RPA1: variants seen among roughly 807,000 people sequenced by gnomAD.
The protein encoded by RPA1 is replication protein A 70 kDa DNA-binding subunit.
Under a neutral mutation model 83.0 loss-of-function variants are expected in RPA1, and 49 were observed. That is an observed-to-expected ratio of 0.59 (90% CI 0.47 to 0.75). RPA1 has a LOEUF of 0.75. Among genes scored for constraint, RPA1 ranks in the 30% least tolerant of loss-of-function variants. The pLI, the probability that RPA1 is intolerant of heterozygous loss-of-function variation, is 0.00. For synonymous variants in RPA1, 279 were observed against 281.8 expected (o/e 0.99, Z 0.10); for missense variants, 693 against 776.1 (o/e 0.89, Z 1.27).
intron 1 of RPA1, among the ~76,000 whole-genome samples, chr17:1,832,082 C>A (rs916110825): frequency 5.9e-5 from 9 of 151,848 alleles, no homozygotes; most frequent in African/African-American, 2.2e-4. Context: ...GCATGTACCA[C>A]CACACCTGCG....
In RPA1 at chr17:1,853,277, T is replaced by G. The variant is rs148238605; in HGVS notation, c.361+88T>G. On this transcript the variant is annotated intron_variant, in intron 5 of 16. Coordinates refer to ENST00000254719, the MANE Select transcript of RPA1 (RefSeq NM_002945.5). ...TACCTTTTGGATTCAGTTTGACTTGTTAGTGTTAATAAAATGATAGTGATT... is the reference window on the plus strand; with the variant it reads ...TACCTTTTGGATTCAGTTTGACTTGGTAGTGTTAATAAAATGATAGTGATT... 949 of 993,108 alleles carry G rather than the reference T, an allele frequency of 9.6e-4. 12 individuals are homozygous for G. In the East Asian group the frequency reaches 0.022, roughly 23 times the overall value. 61.5% of individuals were successfully genotyped at this position (993,108 alleles called of 1,614,324 possible). A position where few individuals can be genotyped will look rare whatever the true frequency, so the allele number is the denominator to read the frequency against.
At chr17:1,830,902 A>G (rs1162569022) in intron 1 of RPA1, among the ~76,000 whole-genome samples, 1 of 151,656 alleles carries the variant, frequency 6.6e-6, no homozygotes, top group African/African-American at 2.4e-5. Flanking sequence ...AGTAGCTGGG[A>G]CTACATGTGT....
intron 3 of RPA1, 100 bp downstream of exon 3, chr17:1,844,098 G>C: frequency 1.1e-6 from 1 of 947,522 alleles, no homozygotes; most frequent in Non-Finnish European, 1.6e-6. Flanking sequence ...CGTGAAGTCC[G>C]TACTTGCTTG....
chr17:1,863,361 G>C (rs1044098961), intron 5 of RPA1, among the ~76,000 whole-genome samples: 1 of 151,748 alleles, frequency 6.6e-6, no homozygotes, highest in African/African-American at 2.4e-5. Flanking sequence ...ACAGGTGCCC[G>C]CCACCACACT....
intron 8 of RPA1, among the ~76,000 whole-genome samples, chr17:1,878,018 G>A (rs1016204937): frequency 6.6e-6 from 1 of 152,190 alleles, no homozygotes; most frequent in Non-Finnish European, 1.5e-5. Flanking sequence ...ATCACTTGAG[G>A]TCAGGAGTTC....
chr17:1,886,005 T>G (rs141210566), intron 13 of RPA1, among the ~76,000 whole-genome samples: 2 of 150,608 alleles, frequency 1.3e-5, no homozygotes, highest in Non-Finnish European at 3.0e-5. Flanking sequence ...TTAATCTCCT[T>G]GTACTGTGTG....
chr17:1,831,600 C>CT lies in RPA1; in HGVS notation c.33+1490dup, dbSNP rs397856863. Among the ~76,000 whole-genome samples, 566 of 140,572 alleles carry CT rather than the reference C, an allele frequency of 4.0e-3. 4 individuals carry two copies. Among genetic ancestry groups the CT allele is most frequent in the African/African-American group, 7.6e-3 (292 of 38,290 alleles). 92.2% of individuals were successfully genotyped at this position (140,572 alleles called of 152,430 possible). On this transcript the variant is annotated intron_variant, in intron 1 of 16. Transcript: ENST00000254719. ...TACCTTCTTCCATGGGGCCTTTGAACTTTTTTTTTTTTTTTTGAGCTGGAA... is the reference window on the plus strand; with the variant it reads ...TACCTTCTTCCATGGGGCCTTTGAACTTTTTTTTTTTTTTTTTGAGCTGGAA...
Position 1,888,652 on chromosome 17 carries a change from C to G in RPA1, c.1375-23C>G, listed in dbSNP as rs745638131. 6.9e-6 allele frequency: 11 copies of G among 1,598,152 alleles called. No individual in the cohort carries two copies. The Admixed American group carries it at 1.8e-4, about 27-fold the overall frequency. On this transcript the variant is annotated intron_variant, in intron 13 of 16. Transcript: ENST00000254719. ...TGGGCGGGCTCGCGACTCCGTGCCT[C>G]ATGCTGTTCTTTTCTCCCGAAGCCG...
rs143029792 is a variant in RPA1 at position 1,858,079 on chromosome 17, A to T, written c.361+4890A>T. 1.1e-3 allele frequency: 1,827 copies of T among 1,613,420 alleles called. 21 individuals carry two copies. In the African/African-American group the frequency reaches 0.021, roughly 19 times the overall value. ...CCCCATAGAGGACAACACAGTAAGA[A>T]CCAGGACAACCACTCCAGACTGGTA... On this transcript the variant is annotated intron_variant, in intron 5 of 16. Transcript: ENST00000254719.
At chr17:1,878,899 C>A in intron 8 of RPA1, 94 bp from the exon 9 acceptor site, 1 of 1,189,224 alleles carries the variant, frequency 8.4e-7, no homozygotes, top group Admixed American at 1.7e-5. Flanking sequence ...CACTTTGGTG[C>A]TAGGGTGGCC....
intron 5 of RPA1, among the ~76,000 whole-genome samples, chr17:1,864,659 G>A (rs1913113523): frequency 6.6e-6 from 1 of 151,874 alleles, no homozygotes; most frequent in Non-Finnish European, 1.5e-5. Context: ...GTAATTCTTA[G>A]GCTGGACCTT....
chr17:1,885,489 T>C lies in RPA1; in HGVS notation c.1374+1545T>C, dbSNP rs575110540. Among the ~76,000 whole-genome samples the C allele has an allele frequency of 2.6e-5, 4 of 152,304 alleles. No individual in the cohort carries two copies. In the South Asian group the frequency reaches 6.2e-4, roughly 24 times the overall value. On this transcript the variant is annotated intron_variant, in intron 13 of 16. Coordinates refer to ENST00000254719, the MANE Select transcript of RPA1 (RefSeq NM_002945.5). ...ATGAATGTTCCTTTTTTTTTTAACT[T>C]GAGACAGGGTCTCATTCTGTCACTC...
intron 2 of RPA1, 70 bp downstream of exon 2, chr17:1,842,923 T>G (rs1912114050): frequency 9.9e-6 from 15 of 1,511,736 alleles, no homozygotes; most frequent in Non-Finnish European, 1.4e-5. Flanking sequence ...TTACGTTTGA[T>G]GAAGGACAGA....
rs55646041 is a variant in RPA1, at chr17:1,844,803, A to G, written c.272+117A>G. 2,834 of 672,298 alleles carry G rather than the reference A, an allele frequency of 4.2e-3. 64 individuals are homozygous for G. In the African/African-American group the frequency reaches 0.045, roughly 11 times the overall value. 41.6% of individuals were successfully genotyped at this position (672,298 alleles called of 1,614,324 possible). A position where few individuals can be genotyped will look rare whatever the true frequency, so the allele number is the denominator to read the frequency against. On this transcript the variant is annotated intron_variant, in intron 4 of 16. Transcript: ENST00000254719. The stretch of plus-strand genomic sequence containing the variant: ...TCTGCAGCTTTTCAGTTAAGAACTC[A>G]GGTAGCTAACACATGGCACCCAAGG...
chr17:1,893,183 G>C (rs1311156966), intron 15 of RPA1, among the ~76,000 whole-genome samples: 1 of 152,156 alleles, frequency 6.6e-6, no homozygotes, highest in Non-Finnish European at 1.5e-5. Context: ...AAGTGTGATA[G>C]TATCTTTTGT....
intron 6 of RPA1, among the ~76,000 whole-genome samples, chr17:1,875,389 A>C (rs1035662532): frequency 7.9e-5 from 12 of 152,196 alleles, no homozygotes; most frequent in African/African-American, 2.9e-4. Flanking sequence ...TGGATTCGTC[A>C]CCATTATTAC....
chr17:1,833,345 G>C (rs1911691843), intron 1 of RPA1, among the ~76,000 whole-genome samples: 1 of 152,186 alleles, frequency 6.6e-6, no homozygotes, highest in South Asian at 2.1e-4. Context: ...ATGCTTGCTA[G>C]TTGCATGAAT....
chr17:1,874,012 A>AAAAAATATATATAT (rs1555592994), intron 6 of RPA1, among the ~76,000 whole-genome samples: 1 of 93,844 alleles, frequency 1.1e-5, no homozygotes, highest in African/African-American at 5.1e-5. Context: ...AAAAAAAAAA[A>AAAAAATATATATAT]ATATATATAT....
chr17:1,851,360 C>G (rs1488617515), intron 4 of RPA1, among the ~76,000 whole-genome samples: 2 of 152,136 alleles, frequency 1.3e-5, no homozygotes, highest in African/African-American at 4.8e-5. Flanking sequence ...TCTGTTAAGT[C>G]TCTCTGAATC....
Sources: gnomAD v4.1 joint callset for allele counts (sites outside exome capture counted in the v4.1 genomes callset) on GRCh38, gnomAD v4.1.1 for gene constraint, MANE v1.5 for transcripts, NCBI Gene and HGNC (gene_info 2026-07-23, HGNC 2026-07-21) for gene names.